The following DISC1 variants were observed in gnomAD, a reference collection of about 807,000 sequenced individuals.
DISC1 encodes DISC1 scaffold protein, also known as disrupted in schizophrenia 1 protein.
DISC1 carries 57 observed loss-of-function variants against 84.5 expected under a neutral mutation model. The ratio of observed to expected loss-of-function variants is 0.67; its 90% CI spans 0.55 to 0.84. The LOEUF is 0.84. Ranked by LOEUF, DISC1 falls within the 40% of genes least tolerant of loss-of-function variation. The pLI is 0.00. For synonymous variants in DISC1, 411 were observed against 415.2 expected, an observed-to-expected ratio of 0.99 and a Z score of 0.12; for missense variants, 1,000 against 1,057.8, an observed-to-expected ratio of 0.95 and a Z score of 0.76.
At chr1:231,997,152 A>G (rs1666056814) in intron 10 of DISC1, among the ~76,000 whole-genome samples, 1 of 152,194 alleles carries the variant, frequency 6.6e-6, no homozygotes, top group African/African-American at 2.4e-5. Flanking sequence ...CTGGCTTCCA[A>G]ACTTTGACGT....
At chr1:231,923,577 C>T (rs2090145892) in intron 9 of DISC1, among the ~76,000 whole-genome samples, 1 of 152,242 alleles carries the variant, frequency 6.6e-6, no homozygotes, top group Admixed American at 6.5e-5. Flanking sequence ...GATATTACCT[C>T]ACCCAGTATG....
intron 9 of DISC1, among the ~76,000 whole-genome samples, chr1:231,872,508 A>T (rs917824045): frequency 6.6e-6 from 1 of 152,210 alleles, no homozygotes; most frequent in African/African-American, 2.4e-5. Context: ...ATTCAGCTTT[A>T]AAGTGTCTAC....
intron 1 of DISC1, among the ~76,000 whole-genome samples, chr1:231,634,861 T>C (rs968470360): frequency 2.6e-5 from 4 of 151,860 alleles, no homozygotes; most frequent in African/African-American, 9.7e-5. Flanking sequence ...CAGTGCGCTA[T>C]GCTTGTGCCT....
chr1:231,655,814 C>A (rs1214843838), intron 1 of DISC1, among the ~76,000 whole-genome samples: 3 of 152,070 alleles, frequency 2.0e-5, no homozygotes, highest in Non-Finnish European at 4.4e-5. Context: ...AAGGTGGTTT[C>A]TCATTGTGGT....
intron 9 of DISC1, among the ~76,000 whole-genome samples, chr1:231,859,384 C>T (rs898662394): frequency 2.6e-5 from 4 of 152,144 alleles, no homozygotes; most frequent in Admixed American, 1.3e-4. Context: ...GTGGTAGATT[C>T]GGTGTCTGGT....
At chr1:231,739,232 A>G (rs2072932283) in intron 3 of DISC1, among the ~76,000 whole-genome samples, 1 of 152,212 alleles carries the variant, frequency 6.6e-6, no homozygotes, top group Non-Finnish European at 1.5e-5. Context: ...TTCCAGTGCA[A>G]GTCATTAGAA....
chr1:231,996,978 T>G (rs1361055888), intron 10 of DISC1, among the ~76,000 whole-genome samples: 1 of 152,194 alleles, frequency 6.6e-6, no homozygotes, highest in East Asian at 1.9e-4. Flanking sequence ...TAGCAAAGCT[T>G]CTGAAGACTT....
chr1:231,626,799 C>G lies in DISC1; in HGVS notation c.-69C>G, dbSNP rs550554158. ...CGTCCAGCGCGCTGCTCCCTTCCCC[C>G]CGCCTCTGGCCTCGGGGAAGGAGCA... On this transcript the variant is annotated 5_prime_UTR_variant, in exon 1 of 13. Coordinates refer to ENST00000439617, the MANE Select transcript of DISC1 (RefSeq NM_018662.3). 8.3e-6 allele frequency: 10 copies of G among 1,209,096 alleles called. No homozygotes were observed. Among genetic ancestry groups the G allele is most frequent in the East Asian group, 6.1e-5 (2 of 32,844 alleles). The allele number at this position is 1,209,096 out of a possible 1,614,324, so 74.9% of individuals were successfully genotyped here.
chr1:232,033,490 G>A (rs1000835429), intron 12 of DISC1, among the ~76,000 whole-genome samples: 9 of 152,232 alleles, frequency 5.9e-5, no homozygotes, highest in Admixed American at 1.3e-4. Flanking sequence ...TCTGCTCCAG[G>A]TCCTCCCACG....
chr1:231,681,322 CAG>C (rs1305313165), intron 1 of DISC1, among the ~76,000 whole-genome samples: 2 of 152,142 alleles, frequency 1.3e-5, no homozygotes, highest in African/African-American at 2.4e-5. Flanking sequence ...AAAATTGGAT[CAG>C]AGAGTTGAGA....
Position 232,031,345 on chromosome 1 carries a change from GAAAGA to G in DISC1, c.2425+4798_2425+4802del, listed in dbSNP as rs1343248553. ...GAAAAGGAAAGGAAAAGGAAAAGAGGAAAGAAAAGGAAAGGGAAGGGAGAGGGAAA... is the reference window on the plus strand; with the variant it reads ...GAAAAGGAAAGGAAAAGGAAAAGAGGAAAGGAAAGGGAAGGGAGAGGGAAA... On this transcript the variant is annotated intron_variant, in intron 12 of 12. Transcript: ENST00000439617. This position sits in a 1 kb window ranked among gnomAD's most constrained non-coding sequence, Gnocchi z 4.6. Among the ~76,000 whole-genome samples, 1 of 136,692 alleles carries G rather than the reference GAAAGA, an allele frequency of 7.3e-6. No homozygotes were observed. The highest frequency in any genetic ancestry group is 2.7e-5 in the African/African-American group (1 of 36,772). The allele number at this position is 136,692 out of a possible 152,430, so 89.7% of individuals were successfully genotyped here. A position where few individuals can be genotyped will look rare whatever the true frequency, so the allele number is the denominator to read the frequency against.
intron 10 of DISC1, among the ~76,000 whole-genome samples, chr1:231,983,066 T>C (rs570374218): frequency 1.3e-5 from 2 of 152,186 alleles, no homozygotes; most frequent in East Asian, 3.9e-4. Flanking sequence ...GCCCCCAAGA[T>C]AAGACCAGAC....
intron 10 of DISC1, among the ~76,000 whole-genome samples, chr1:232,007,077 A>G (rs1156400937): frequency 6.6e-6 from 1 of 152,186 alleles, no homozygotes; most frequent in Non-Finnish European, 1.5e-5. Flanking sequence ...CTCTGCCTAG[A>G]TTTCAGAGGA....
chr1:231,961,507 C>T (rs577423873), intron 10 of DISC1, among the ~76,000 whole-genome samples: 1 of 152,218 alleles, frequency 6.6e-6, no homozygotes, highest in South Asian at 2.1e-4. Context: ...CACAGTACCC[C>T]TGGAATTAGT....
intron 4 of DISC1, among the ~76,000 whole-genome samples, chr1:231,757,349 A>C (rs2075248054): frequency 6.6e-6 from 1 of 152,170 alleles, no homozygotes; most frequent in Non-Finnish European, 1.5e-5. Context: ...CAGGTTAATA[A>C]AATTTAGTTT....
intron 3 of DISC1, among the ~76,000 whole-genome samples, chr1:231,733,246 TGGTGATGGTAGA>T (rs920167559): frequency 7.4e-5 from 11 of 149,090 alleles, no homozygotes; most frequent in Admixed American, 6.7e-4. Context: ...GTAGGAGTGG[TGGTGATGGTAGA>T]GGTGGTGGTA....
chr1:231,762,108 T>G (rs1045777336), intron 4 of DISC1, among the ~76,000 whole-genome samples: 3 of 151,980 alleles, frequency 2.0e-5, no homozygotes, highest in Non-Finnish European at 2.9e-5. Flanking sequence ...TTCTTTCTTC[T>G]TTCCTTTCTT....
chr1:231,974,520 T>C (rs1159386596), intron 10 of DISC1, among the ~76,000 whole-genome samples: 1 of 152,162 alleles, frequency 6.6e-6, no homozygotes, highest in African/African-American at 2.4e-5. Context: ...TTCACATAGA[T>C]TTTAAGAGAG....
intron 9 of DISC1, among the ~76,000 whole-genome samples, chr1:231,820,034 G>A (rs1376383685): frequency 2.0e-5 from 3 of 152,186 alleles, no homozygotes. Flanking sequence ...CAAATGGAAT[G>A]AGAGATTGTT....
Sources: allele counts gnomAD v4.1 joint callset (sites outside exome capture counted in the v4.1 genomes callset), GRCh38; gene constraint gnomAD v4.1.1; non-coding constraint Gnocchi (gnomAD v3.1); transcripts MANE v1.5; gene names NCBI Gene and HGNC (gene_info 2026-07-23, HGNC 2026-07-21).